Variants in HIPK3 observed in about 807,000 individuals in gnomAD.
HIPK3 encodes the protein homeodomain interacting protein kinase 3.
HIPK3 carries 47 observed loss-of-function variants against 124.2 expected under a neutral mutation model. That is an observed-to-expected ratio of 0.38 (90% CI 0.30 to 0.48). The LOEUF (loss-of-function observed/expected upper bound fraction) is 0.48, where lower values mean the gene tolerates loss of function less well. Ranked by LOEUF, HIPK3 falls within the 20% of genes least tolerant of loss-of-function variation. HIPK3 has a pLI of 0.98. For synonymous variants in HIPK3, 482 were observed against 515.2 expected (o/e 0.94, Z 0.87); for missense variants, 1,286 against 1,454.3 (o/e 0.88, Z 1.88).
At chr11:33,300,372 C>T (rs1202027799) in intron 2 of HIPK3, among the ~76,000 whole-genome samples, 1 of 151,864 alleles carries the variant, frequency 6.6e-6, no homozygotes, top group East Asian at 1.9e-4. Flanking sequence ...GAACTTGCAG[C>T]CATTTTAACC....
rs1488486963 is a variant in HIPK3, at chr11:33,354,361, TTAG to T, written c.*798_*800del. 2 of 152,580 alleles carry T rather than the reference TTAG, an allele frequency of 1.3e-5. No homozygotes were observed. Among genetic ancestry groups the T allele is most frequent in the East Asian group, 3.9e-4 (2 of 5,190 alleles). 9.5% of individuals were successfully genotyped at this position (152,580 alleles called of 1,614,324 possible). On this transcript the variant is annotated 3_prime_UTR_variant, in exon 17 of 17. Transcript: ENST00000303296. ...ATCTAGCTTCAAGAAAAGCAAGCAG[TTAG>T]TAGTGCTTAAGAAAAATTGATTCAG...
intron 2 of HIPK3, among the ~76,000 whole-genome samples, chr11:33,314,888 A>G (rs1852451848): frequency 6.6e-6 from 1 of 152,226 alleles, no homozygotes; most frequent in Non-Finnish European, 1.5e-5. Context: ...AGATAAATTT[A>G]AGACATAATT....
At chr11:33,277,787 C>G (rs1013483470) in intron 1 of HIPK3, among the ~76,000 whole-genome samples, 1 of 152,194 alleles carries the variant, frequency 6.6e-6, no homozygotes, top group Non-Finnish European at 1.5e-5. Context: ...TATAACAGTT[C>G]CTGTTGCCCT....
chr11:33,261,130 ATAT>A (rs1252334628), intron 1 of HIPK3, among the ~76,000 whole-genome samples: 2 of 77,204 alleles, frequency 2.6e-5, no homozygotes, highest in African/African-American at 4.0e-5. Context: ...TATATATTAT[ATAT>A]AAAATATAAA....
At chr11:33,342,788 C>T (rs1853375821) in intron 8 of HIPK3, among the ~76,000 whole-genome samples, 1 of 152,120 alleles carries the variant, frequency 6.6e-6, no homozygotes, top group African/African-American at 2.4e-5. Context: ...TCAGGTGATC[C>T]ACCTGCCTCG....
chr11:33,296,806 C>G (rs1277819809), intron 2 of HIPK3, among the ~76,000 whole-genome samples: 1 of 152,146 alleles, frequency 6.6e-6, no homozygotes, highest in East Asian at 1.9e-4. Context: ...TTACCTGAGA[C>G]ACAACAATAT....
At chr11:33,286,265 C>A in intron 1 of HIPK3, 148 bp from the exon 2 acceptor site, 1 of 722,242 alleles carries the variant, frequency 1.4e-6, no homozygotes, top group Non-Finnish European at 2.1e-6. Context: ...AAAAAATCAT[C>A]TTCATGGAAA....
intron 2 of HIPK3, among the ~76,000 whole-genome samples, chr11:33,309,889 G>T (rs1852271407): frequency 6.6e-6 from 1 of 152,120 alleles, no homozygotes; most frequent in Admixed American, 6.5e-5. Flanking sequence ...AGATGTACAG[G>T]TGGTATTTAT....
At chr11:33,269,989 A>AT (rs1215943425) in intron 1 of HIPK3, among the ~76,000 whole-genome samples, 2 of 151,292 alleles carry the variant, frequency 1.3e-5, no homozygotes, top group Non-Finnish European at 2.9e-5. Context: ...GTTTTTTATT[A>AT]TTTTTTTAAG....
chr11:33,273,083 C>T (rs1038439206), intron 1 of HIPK3, among the ~76,000 whole-genome samples: 17 of 151,778 alleles, frequency 1.1e-4, no homozygotes, highest in Non-Finnish European at 2.4e-4. Context: ...ATCCTCCTGC[C>T]TACGCCTCCC....
chr11:33,335,644 C>T (rs1853120513), intron 3 of HIPK3: 1 of 143,158 alleles, frequency 7.0e-6, no homozygotes, highest in South Asian at 2.2e-4. Context: ...GGGAGGTTTA[C>T]TTTTTTTTTT....
At chr11:33,306,664 T>C (rs530238547) in intron 2 of HIPK3, among the ~76,000 whole-genome samples, 1 of 152,228 alleles carries the variant, frequency 6.6e-6, no homozygotes, top group South Asian at 2.1e-4. Flanking sequence ...ATAATGATGA[T>C]AGTAACTACC....
intron 2 of HIPK3, among the ~76,000 whole-genome samples, chr11:33,303,137 C>T (rs1208397529): frequency 6.6e-6 from 1 of 152,060 alleles, no homozygotes; most frequent in South Asian, 2.1e-4. Flanking sequence ...GGTTCCAGGA[C>T]CCCCCACGGA....
intron 1 of HIPK3, among the ~76,000 whole-genome samples, chr11:33,270,860 T>A (rs1036137716): frequency 1.3e-5 from 2 of 152,178 alleles, no homozygotes; most frequent in Non-Finnish European, 1.5e-5. Context: ...CCAGTTATCA[T>A]GTATTTTAAT....
chr11:33,304,853 C>T (rs927815953), intron 2 of HIPK3, among the ~76,000 whole-genome samples: 17 of 152,262 alleles, frequency 1.1e-4, no homozygotes, highest in African/African-American at 2.6e-4. Context: ...TGCTCATGGA[C>T]GCTGCCGGAT....
chr11:33,292,861 G>C (rs990922318), intron 2 of HIPK3, among the ~76,000 whole-genome samples: 1 of 151,974 alleles, frequency 6.6e-6, no homozygotes, highest in African/African-American at 2.4e-5. Context: ...TCAGCTTCCC[G>C]AGTAACTGGG....
At chr11:33,258,974 T>C (rs1472691654) in intron 1 of HIPK3, among the ~76,000 whole-genome samples, 1 of 152,176 alleles carries the variant, frequency 6.6e-6, no homozygotes, top group African/African-American at 2.4e-5. Context: ...GGCTCTATTG[T>C]AAACTTTGTT....
At chr11:33,329,757 G>A (rs1422169508) in intron 3 of HIPK3, among the ~76,000 whole-genome samples, 1 of 152,064 alleles carries the variant, frequency 6.6e-6, no homozygotes, top group Non-Finnish European at 1.5e-5. Flanking sequence ...CCAATTACTA[G>A]CTTTGATACA....
rs999956210 is a variant in HIPK3, at chr11:33,314,891, A to G, written c.1098-13619A>G. ...TACTTCATAGTCAGATAAATTTAAGACATAATTGGATTGTTCCATACTCAC... is the reference window on the plus strand; with the variant it reads ...TACTTCATAGTCAGATAAATTTAAGGCATAATTGGATTGTTCCATACTCAC... On this transcript the variant is annotated intron_variant, in intron 2 of 16. Coordinates refer to ENST00000303296, the MANE Select transcript of HIPK3 (RefSeq NM_005734.5). 5.3e-5 allele frequency among the ~76,000 whole-genome samples: 8 copies of G among 152,308 alleles called. No individual in the cohort carries two copies. In the South Asian group the frequency reaches 8.3e-4, roughly 16 times the overall value.
Sources: gnomAD v4.1 joint callset for allele counts (sites outside exome capture counted in the v4.1 genomes callset) on GRCh38, gnomAD v4.1.1 for gene constraint, MANE v1.5 for transcripts, NCBI Gene and HGNC (gene_info 2026-07-23, HGNC 2026-07-21) for gene names.